CDHR3: variants seen among roughly 807,000 people sequenced by gnomAD.
CDHR3 encodes the protein cadherin related family member 3, also known as cadherin-related family member 3.
In CDHR3, 79 loss-of-function variants were observed where a neutral mutation model predicts 86.6. The ratio of observed to expected loss-of-function variants is 0.91; its 90% CI spans 0.76 to 1.10. The LOEUF (loss-of-function observed/expected upper bound fraction) is 1.10, where lower values mean the gene tolerates loss of function less well. Ranked by LOEUF, CDHR3 falls within the 50% of genes least tolerant of loss-of-function variation. The pLI is 0.00. For synonymous variants in CDHR3, 421 were observed against 402.4 expected (o/e 1.05, Z -0.55); for missense variants, 1,081 against 1,077.6 (o/e 1.00, Z -0.04).
At position 105,991,720 on chromosome 7, in the gene CDHR3, T is replaced by A. The variant is rs368005972; in HGVS notation, c.514-3031T>A. On this transcript the variant is annotated intron_variant, in intron 4 of 18. Transcript: ENST00000317716. ...ATGAACAAGAAGAAAACCCCAATAT[T>A]TAACATCGAACAAATATTTATTGAG... 6.6e-5 allele frequency among the ~76,000 whole-genome samples: 10 copies of A among 152,310 alleles called. No individual in the cohort carries two copies. In the South Asian group the frequency reaches 2.1e-3, roughly 32 times the overall value.
chr7:106,005,378 C>A (rs969866515), intron 8 of CDHR3, among the ~76,000 whole-genome samples: 1 of 152,318 alleles, frequency 6.6e-6, no homozygotes. Flanking sequence ...TGTCTTTCTA[C>A]TATTTTGTCA....
At chr7:105,966,913 G>A (rs1000617607) in intron 1 of CDHR3, among the ~76,000 whole-genome samples, 4 of 151,140 alleles carry the variant, frequency 2.6e-5, no homozygotes, top group Non-Finnish European at 4.4e-5. Context: ...AATTAATCTT[G>A]GTTTTTGCCA....
At chr7:106,031,384 A>C (rs74722613) in intron 18 of CDHR3, among the ~76,000 whole-genome samples, 1 of 152,228 alleles carries the variant, frequency 6.6e-6, no homozygotes, top group East Asian at 1.9e-4. Context: ...CCCCCGTGAA[A>C]TCAGCTCCAA....
At chr7:105,969,511 T>G (rs968563242) in intron 1 of CDHR3, among the ~76,000 whole-genome samples, 2 of 152,202 alleles carry the variant, frequency 1.3e-5, no homozygotes, top group Non-Finnish European at 2.9e-5. Context: ...GGATTGATTA[T>G]TTGCACCTGG....
At chr7:105,977,937 C>T (rs146230082) in intron 2 of CDHR3, among the ~76,000 whole-genome samples, 30 of 152,262 alleles carry the variant, frequency 2.0e-4, no homozygotes, top group Admixed American at 1.4e-3. Context: ...ATTTCATTTA[C>T]GGGGCATTTA....
At chr7:106,014,331 C>A (rs1408407120) in intron 9 of CDHR3, among the ~76,000 whole-genome samples, 2 of 152,260 alleles carry the variant, frequency 1.3e-5, no homozygotes, top group African/African-American at 4.8e-5. Flanking sequence ...TAGTACCAGA[C>A]CCTACATATG....
At chr7:106,000,327 G>T (rs1171904192) in intron 6 of CDHR3, among the ~76,000 whole-genome samples, 1 of 152,166 alleles carries the variant, frequency 6.6e-6, no homozygotes, top group Non-Finnish European at 1.5e-5. Context: ...GGGAGGGTTG[G>T]GGTGAAGCCC....
intron 6 of CDHR3, among the ~76,000 whole-genome samples, chr7:105,998,647 CA>C (rs1172116249): frequency 1.3e-5 from 2 of 152,066 alleles, no homozygotes; most frequent in Non-Finnish European, 2.9e-5. Context: ...CCAAAGTAGC[CA>C]GGCATGGTGG....
chr7:106,030,947 G>A lies in CDHR3; in HGVS notation c.2353+107G>A, dbSNP rs149153319. On this transcript the variant is annotated intron_variant, in intron 18 of 18. Coordinates refer to ENST00000317716, the MANE Select transcript of CDHR3 (RefSeq NM_152750.5). This position sits in a 1 kb window ranked among gnomAD's most constrained non-coding sequence, Gnocchi z 4.8. ...TGCTTTTAGCTCATTTTGTCAATCCGTTTGGCTATGTTGCCTATATAGTGC... is the reference window on the plus strand; with the variant it reads ...TGCTTTTAGCTCATTTTGTCAATCCATTTGGCTATGTTGCCTATATAGTGC... The A allele has an allele frequency of 8.5e-3, 9,237 of 1,081,666 alleles. 50 individuals are homozygous for A. Among genetic ancestry groups the A allele is most frequent in the Middle Eastern group, 0.016 (60 of 3,858 alleles). 67.0% of individuals were successfully genotyped at this position (1,081,666 alleles called of 1,614,324 possible). A position where few individuals can be genotyped will look rare whatever the true frequency, so the allele number is the denominator to read the frequency against.
intron 11 of CDHR3, 97 bp downstream of exon 11, chr7:106,016,122 A>G (rs865777250): frequency 6.8e-6 from 5 of 736,048 alleles, no homozygotes; most frequent in Non-Finnish European, 9.3e-6. Context: ...GAGGCCTCGC[A>G]TGCTGTTTTG....
At position 106,024,386 on chromosome 7, in the gene CDHR3, G is replaced by T; in HGVS notation, c.2082G>T (p.Arg694Ser). ...TTIITTTPRP[R>S]VTYQVLRKNV... ...CCTGCTCTCTGTTGTTCAAGCCCAG[G>T]GTCACCTATCAGGTCCTGAGGAAAA... Residue 694 changes from arginine to serine, a missense_variant, in exon 15 of 19, where the codon AGG becomes AGT. Arg to Ser is a moderately radical substitution (Grantham distance 110, BLOSUM62 -1). Transcript: ENST00000317716. The T allele has an allele frequency of 6.2e-7, 1 of 1,613,756 alleles. No individual in the cohort carries two copies. Among genetic ancestry groups the T allele is most frequent in the Non-Finnish European group, 8.5e-7 (1 of 1,179,804 alleles).
rs1563321646 is a variant in CDHR3, at chr7:106,034,472, CCAGTGTCACTT to C, written c.*1777_*1787del. ...CAGCTTGTTTACTGTGTGCCTAGTG[CCAGTGTCACTT>C]CTCAAGCAAAAGAAGCATTTGCAAA... is the stretch of plus-strand genomic sequence containing the variant. On this transcript the variant is annotated 3_prime_UTR_variant, in exon 19 of 19. Coordinates refer to ENST00000317716, the MANE Select transcript of CDHR3 (RefSeq NM_152750.5). 6.6e-6 allele frequency among the ~76,000 whole-genome samples: 1 copy of C among 152,164 alleles called. No homozygotes were observed. The highest frequency in any genetic ancestry group is 1.5e-5 in the Non-Finnish European group (1 of 68,030).
chr7:106,031,109 T>C (rs1437896444), intron 18 of CDHR3, among the ~76,000 whole-genome samples: 1 of 152,242 alleles, frequency 6.6e-6, no homozygotes, highest in Non-Finnish European at 1.5e-5. Flanking sequence ...GCCATGCCTC[T>C]TTCTTGCCTC....
At chr7:106,017,671 C>T (rs979481726) in intron 11 of CDHR3, among the ~76,000 whole-genome samples, 175 bp from the exon 12 acceptor site, 3 of 151,696 alleles carry the variant, frequency 2.0e-5, no homozygotes, top group South Asian at 2.1e-4. Flanking sequence ...AGTTACCTAG[C>T]GGGTGTTGGT....
At chr7:105,993,516 T>C (rs951569364) in intron 4 of CDHR3, among the ~76,000 whole-genome samples, 2 of 148,914 alleles carry the variant, frequency 1.3e-5, no homozygotes, top group African/African-American at 4.9e-5. Context: ...CAAAAAAAAA[T>C]ATAAAAAAAA....
Position 106,024,407 on chromosome 7 carries a change from GAAAA to G in CDHR3, c.2105_2108del (p.Lys702ThrfsTer51). ...CCAGGGTCACCTATCAGGTCCTGAG[GAAAA>G]ACGTTTACTCTCCATCTGCATGGTA... On this transcript the variant is annotated frameshift_variant, in exon 15 of 19. Transcript: ENST00000317716. LOFTEE classifies it high-confidence loss of function. 6.2e-7 allele frequency: 1 copy of G among 1,613,974 alleles called. No individual in the cohort carries two copies. The highest frequency in any genetic ancestry group is 8.5e-7 in the Non-Finnish European group (1 of 1,179,888).
intron 8 of CDHR3, among the ~76,000 whole-genome samples, chr7:106,005,590 T>C (rs1208154068): frequency 1.3e-5 from 2 of 152,208 alleles, no homozygotes; most frequent in Admixed American, 1.3e-4. Context: ...CAGCTCCAGA[T>C]GTCCCCATGG....
At chr7:105,983,914 C>T (rs763953181) in intron 3 of CDHR3, among the ~76,000 whole-genome samples, 8 of 152,162 alleles carry the variant, frequency 5.3e-5, no homozygotes, top group Non-Finnish European at 1.0e-4. Context: ...CTTCTTCCCC[C>T]ACCTCAAACA....
intron 6 of CDHR3, among the ~76,000 whole-genome samples, chr7:105,996,900 G>A (rs776728650): frequency 4.6e-5 from 7 of 152,064 alleles, no homozygotes; most frequent in African/African-American, 1.2e-4. Context: ...TAAATGCATC[G>A]GGTGGAGGGT....
Sources: allele counts gnomAD v4.1 joint callset (sites outside exome capture counted in the v4.1 genomes callset), GRCh38; gene constraint gnomAD v4.1.1; non-coding constraint Gnocchi (gnomAD v3.1); transcripts MANE v1.5; gene names NCBI Gene and HGNC (gene_info 2026-07-23, HGNC 2026-07-21).